Variants in ARHGEF28 observed in about 807,000 individuals in gnomAD.
The protein encoded by ARHGEF28 is Rho guanine nucleotide exchange factor 28, also known as 190 kDa guanine nucleotide exchange factor.
Under a neutral mutation model 206.6 loss-of-function variants are expected in ARHGEF28, and 152 were observed. The observed-to-expected ratio is 0.74, with a 90% CI of 0.64 to 0.84. The LOEUF (loss-of-function observed/expected upper bound fraction) is 0.84. Among genes scored for constraint, ARHGEF28 ranks in the 40% least tolerant of loss-of-function variants. The pLI is 0.00. For missense variants in ARHGEF28, 2,028 were observed against 2,073.2 expected (o/e 0.98, Z 0.42); for synonymous variants, 763 against 776.4 (o/e 0.98, Z 0.29).
intron 2 of ARHGEF28, among the ~76,000 whole-genome samples, chr5:73,697,878 G>A (rs1365842700): frequency 3.3e-5 from 5 of 152,132 alleles, no homozygotes; most frequent in Non-Finnish European, 5.9e-5. Context: ...GATGAACATG[G>A]TGATGTTAAG....
intron 22 of ARHGEF28, among the ~76,000 whole-genome samples, chr5:73,873,848 T>C (rs1229342342): frequency 6.6e-6 from 1 of 152,196 alleles, no homozygotes; most frequent in East Asian, 1.9e-4. Context: ...GGTGCAGATT[T>C]TGGTGCAAAC....
intron 2 of ARHGEF28, among the ~76,000 whole-genome samples, chr5:73,717,368 C>A (rs985597983): frequency 9.2e-5 from 14 of 152,062 alleles, no homozygotes; most frequent in Admixed American, 4.6e-4. Flanking sequence ...TGGATGGTTA[C>A]CCTCCTTTAT....
At chr5:73,692,711 C>T (rs979062102) in intron 2 of ARHGEF28, among the ~76,000 whole-genome samples, 2 of 152,184 alleles carry the variant, frequency 1.3e-5, no homozygotes, top group African/African-American at 4.8e-5. Context: ...CAGGGAGGGC[C>T]GGAGGACAGG....
intron 9 of ARHGEF28, chr5:73,813,678 A>G: frequency 5.2e-6 from 8 of 1,535,374 alleles, no homozygotes; most frequent in Non-Finnish European, 6.1e-6. Flanking sequence ...AACAAGGTAG[A>G]TTGCAGTATC....
At chr5:73,891,595 G>T (rs564139584) in intron 26 of ARHGEF28, among the ~76,000 whole-genome samples, 1 of 150,878 alleles carries the variant, frequency 6.6e-6, no homozygotes, top group East Asian at 2.0e-4. Flanking sequence ...GCTGGAGTGC[G>T]CTCACTGCAA....
chr5:73,867,991 C>T lies in ARHGEF28; in HGVS notation c.2268C>T (p.Ser756=). The part of the protein sequence containing the change: ...RETVGQVHPL[S]RSVPGTTLES... ...CTGTGGGACAGGTCCATCCATTGTC[C>T]AGAAGTGTTCCAGGCACCACCTTGG... Residue 756 remains serine, a synonymous_variant, in exon 19 of 36, where the codon TCC becomes TCT. Transcript: ENST00000513042. 1 of 1,613,962 alleles carries T rather than the reference C, an allele frequency of 6.2e-7. No individual in the cohort carries two copies. The highest frequency in any genetic ancestry group is 8.5e-7 in the Non-Finnish European group (1 of 1,179,876).
At chr5:73,832,913 G>C (rs749908127) in intron 10 of ARHGEF28, among the ~76,000 whole-genome samples, 1 of 152,146 alleles carries the variant, frequency 6.6e-6, no homozygotes, top group African/African-American at 2.4e-5. Context: ...TCGATACAAC[G>C]CATCTATTAA....
At chr5:73,859,689 G>A (rs1164332368) in intron 16 of ARHGEF28, among the ~76,000 whole-genome samples, 4 of 152,116 alleles carry the variant, frequency 2.6e-5, no homozygotes, top group African/African-American at 7.2e-5. Flanking sequence ...TCCAAGTATC[G>A]TTTATGGGTT....
chr5:73,725,819 T>C (rs1750238054), intron 2 of ARHGEF28, among the ~76,000 whole-genome samples: 1 of 152,126 alleles, frequency 6.6e-6, no homozygotes, highest in Non-Finnish European at 1.5e-5. Flanking sequence ...GACTGGACAA[T>C]GAGGAAGAGT....
chr5:73,672,653 T>A (rs190380251), intron 1 of ARHGEF28, among the ~76,000 whole-genome samples: 3 of 152,376 alleles, frequency 2.0e-5, no homozygotes, highest in Admixed American at 1.3e-4. Flanking sequence ...TGGTAGGTCG[T>A]ATCTTGCCCA....
chr5:73,682,902 G>A (rs921052391), intron 1 of ARHGEF28, among the ~76,000 whole-genome samples: 1 of 152,174 alleles, frequency 6.6e-6, no homozygotes, highest in South Asian at 2.1e-4. Context: ...TGCAGTGGGA[G>A]GGAGGCAAGG....
rs926332791 is a variant in ARHGEF28 at position 73,864,927 on chromosome 5, T to G, written c.2103+55T>G. The G allele has an allele frequency of 2.0e-6, 3 of 1,507,234 alleles. No homozygotes were observed. The African/African-American group carries it at 4.2e-5, about 21-fold the overall frequency. 93.4% of individuals were successfully genotyped at this position (1,507,234 alleles called of 1,614,324 possible). ...TGTGGCATGGTTGCTTCATAGTATC[T>G]ATTTGAGCTTTTACTCTTTTTTATT... On this transcript the variant is annotated intron_variant, in intron 17 of 35. Transcript: ENST00000513042.
chr5:73,841,249 A>G (rs1350304694), intron 11 of ARHGEF28, among the ~76,000 whole-genome samples: 1 of 152,234 alleles, frequency 6.6e-6, no homozygotes, highest in African/African-American at 2.4e-5. Context: ...TACAGTAATG[A>G]AAATGAATTA....
intron 2 of ARHGEF28, among the ~76,000 whole-genome samples, chr5:73,706,943 T>C (rs898846474): frequency 6.6e-6 from 1 of 152,222 alleles, no homozygotes; most frequent in Non-Finnish European, 1.5e-5. Context: ...GTTTAGTGAA[T>C]AGGGGTACCC....
intron 9 of ARHGEF28, among the ~76,000 whole-genome samples, chr5:73,822,703 G>T (rs1408351159): frequency 6.6e-6 from 1 of 152,136 alleles, no homozygotes; most frequent in Non-Finnish European, 1.5e-5. Context: ...GCTCACTGCA[G>T]CTTCTAACTG....
In ARHGEF28 at chr5:73,895,649, C is replaced by T. The variant is rs145868119; in HGVS notation, c.3841+1074C>T. Among the ~76,000 whole-genome samples the T allele has an allele frequency of 2.4e-3, 361 of 152,132 alleles. 3 individuals carry two copies. Among genetic ancestry groups the T allele is most frequent in the Non-Finnish European group, 3.6e-3 (242 of 68,006 alleles). On this transcript the variant is annotated intron_variant, in intron 29 of 35. Coordinates refer to ENST00000513042, the MANE Select transcript of ARHGEF28 (RefSeq NM_001177693.2). ...AGAAGGGCTGGTAAATTACAGACCA[C>T]GGACTACACACATCCCACAACCTGC...
intron 1 of ARHGEF28, among the ~76,000 whole-genome samples, chr5:73,629,428 G>A (rs1743221529): frequency 6.6e-6 from 1 of 151,486 alleles, no homozygotes; most frequent in East Asian, 1.9e-4. Flanking sequence ...GATAGCTTGA[G>A]TTGGGGAAGT....
At chr5:73,630,309 C>T (rs918890820) in intron 1 of ARHGEF28, among the ~76,000 whole-genome samples, 2 of 152,164 alleles carry the variant, frequency 1.3e-5, no homozygotes, top group Admixed American at 6.5e-5. Context: ...CATAAACTCT[C>T]ATGAAGGGGG....
At chr5:73,721,498 C>A (rs1362922573) in intron 2 of ARHGEF28, among the ~76,000 whole-genome samples, 1 of 152,166 alleles carries the variant, frequency 6.6e-6, no homozygotes, top group African/African-American at 2.4e-5. Flanking sequence ...ATATTTTCCC[C>A]CCAGAAGCTG....
Sources: allele counts gnomAD v4.1 joint callset (sites outside exome capture counted in the v4.1 genomes callset), GRCh38; gene constraint gnomAD v4.1.1; transcripts MANE v1.5; gene names NCBI Gene and HGNC (gene_info 2026-07-23, HGNC 2026-07-21).